The following NRXN3 variants were observed in gnomAD, a reference collection of about 807,000 sequenced individuals.
NRXN3 encodes the protein neurexin III.
A neutral mutation model predicts 137.6 loss-of-function variants in NRXN3; 32 were observed. The observed-to-expected ratio is 0.23, with a 90% CI of 0.18 to 0.31. NRXN3 has a LOEUF of 0.31. Ranked by LOEUF, NRXN3 falls within the 10% of genes least tolerant of loss-of-function variation. The pLI, the probability that NRXN3 is intolerant of heterozygous loss-of-function variation, is 1.00. For synonymous variants in NRXN3, 798 were observed against 784.5 expected (o/e 1.02, Z -0.29); for missense variants, 1,574 against 2,062.5 (o/e 0.76, Z 4.59).
intron 15 of NRXN3, among the ~76,000 whole-genome samples, chr14:79,450,870 A>G (rs2096158672): frequency 1.3e-5 from 2 of 152,026 alleles, no homozygotes; most frequent in African/African-American, 2.4e-5. Flanking sequence ...TGTCTCAAAA[A>G]AAAAAAAATT....
intron 15 of NRXN3, among the ~76,000 whole-genome samples, chr14:79,347,008 T>G (rs1008101843): frequency 6.6e-6 from 1 of 152,116 alleles, no homozygotes; most frequent in Non-Finnish European, 1.5e-5. Context: ...CATTCAGGCT[T>G]TGATTATTTG....
chr14:78,801,064 G>T (rs1287824915), intron 8 of NRXN3, among the ~76,000 whole-genome samples: 1 of 152,226 alleles, frequency 6.6e-6, no homozygotes, highest in Non-Finnish European at 1.5e-5. Context: ...GCTCACGCCT[G>T]TAATCCCAGC....
chr14:78,477,908 A>G (rs2095407512), intron 4 of NRXN3, among the ~76,000 whole-genome samples: 1 of 152,046 alleles, frequency 6.6e-6, no homozygotes, highest in Non-Finnish European at 1.5e-5. Context: ...ACACACACAC[A>G]CGCACACACA....
intron 15 of NRXN3, among the ~76,000 whole-genome samples, chr14:79,190,703 G>A (rs1057121883): frequency 1.3e-5 from 2 of 152,114 alleles, no homozygotes; most frequent in African/African-American, 4.8e-5. Flanking sequence ...TTATTCTTAA[G>A]ATCCCCTGGA....
intron 15 of NRXN3, among the ~76,000 whole-genome samples, chr14:79,206,453 A>T (rs537102124): frequency 6.6e-6 from 1 of 152,306 alleles, no homozygotes; most frequent in East Asian, 1.9e-4. Flanking sequence ...ACAAGGGTCC[A>T]TCATCTCTTC....
intron 3 of NRXN3, among the ~76,000 whole-genome samples, chr14:78,287,382 A>G (rs1418483427): frequency 6.6e-6 from 1 of 152,216 alleles, no homozygotes; most frequent in Non-Finnish European, 1.5e-5. Flanking sequence ...CTTGAAGGGC[A>G]GCAGTGTCTT....
intron 16 of NRXN3, among the ~76,000 whole-genome samples, chr14:79,574,660 T>C (rs955802102): frequency 2.0e-5 from 3 of 151,742 alleles, no homozygotes; most frequent in African/African-American, 4.8e-5. Context: ...CCAGGGTGAG[T>C]GGACTGGGGG....
chr14:78,518,998 C>T (rs1048863243), intron 4 of NRXN3, among the ~76,000 whole-genome samples: 3 of 152,152 alleles, frequency 2.0e-5, no homozygotes, highest in Non-Finnish European at 2.9e-5. Flanking sequence ...GGACAGTCAA[C>T]TGGCCTCTAG....
At chr14:79,470,456 G>A (rs2096485496) in intron 16 of NRXN3, among the ~76,000 whole-genome samples, 1 of 152,086 alleles carries the variant, frequency 6.6e-6, no homozygotes, top group African/African-American at 2.4e-5. Flanking sequence ...CAGAAGGGCA[G>A]AAAGAGTGAA....
At chr14:79,438,867 A>G (rs2095885046) in intron 15 of NRXN3, among the ~76,000 whole-genome samples, 1 of 152,222 alleles carries the variant, frequency 6.6e-6, no homozygotes, top group African/African-American at 2.4e-5. Context: ...AAGCCCGATG[A>G]CTTCACTTAT....
At chr14:79,491,521 T>C (rs1885931741) in intron 16 of NRXN3, among the ~76,000 whole-genome samples, 1 of 152,194 alleles carries the variant, frequency 6.6e-6, no homozygotes, top group Non-Finnish European at 1.5e-5. Context: ...ATCTTGAGAC[T>C]TTTATCTTAC....
At chr14:78,963,502 C>T (rs867373705) in intron 11 of NRXN3, among the ~76,000 whole-genome samples, 3 of 152,140 alleles carry the variant, frequency 2.0e-5, no homozygotes, top group Admixed American at 6.5e-5. Context: ...TAGCTATAGC[C>T]AATTTGACAG....
At chr14:78,879,163 G>T (rs529813635) in intron 10 of NRXN3, among the ~76,000 whole-genome samples, 1 of 152,300 alleles carries the variant, frequency 6.6e-6, no homozygotes, top group South Asian at 2.1e-4. Flanking sequence ...TAATGCTGCA[G>T]TGAATGTTGG....
intron 15 of NRXN3, among the ~76,000 whole-genome samples, chr14:79,211,937 T>C (rs182007205): frequency 6.6e-6 from 1 of 152,206 alleles, no homozygotes; most frequent in African/African-American, 2.4e-5. Flanking sequence ...ATTAAAACAC[T>C]TGAGGCTGGA....
intron 15 of NRXN3, among the ~76,000 whole-genome samples, chr14:79,025,172 G>T (rs1595060806): frequency 6.6e-6 from 1 of 152,080 alleles, no homozygotes; most frequent in African/African-American, 2.4e-5. Context: ...TCCTACCCTA[G>T]TTCTTTCTTT....
chr14:79,410,514 C>T (rs2095401770), intron 15 of NRXN3, among the ~76,000 whole-genome samples: 1 of 150,840 alleles, frequency 6.6e-6, no homozygotes, highest in South Asian at 2.1e-4. Context: ...TTTTCTTTTC[C>T]AGGAATGGCC....
chr14:78,255,086 G>A (rs1474860004), intron 2 of NRXN3, among the ~76,000 whole-genome samples: 6 of 148,194 alleles, frequency 4.0e-5, no homozygotes, highest in Admixed American at 2.1e-4. Flanking sequence ...AAGCAAATTC[G>A]CTCCTGCACC....
chr14:78,830,564 T>A (rs537639804), intron 10 of NRXN3, among the ~76,000 whole-genome samples: 7 of 152,284 alleles, frequency 4.6e-5, no homozygotes, highest in Admixed American at 1.3e-4. Context: ...ACTCTTTTTT[T>A]AAATTTTAAA....
In NRXN3 at chr14:78,518,655, C is replaced by T. The variant is rs138299350; in HGVS notation, c.758-126465C>T. On this transcript the variant is annotated intron_variant, in intron 4 of 20. Coordinates refer to ENST00000335750, the MANE Select transcript of NRXN3 (RefSeq NM_001330195.2). ...TTGACACATATGGGAGCAGGCTTTA[C>T]CAGAGGCAAGAATTCAATCAAAAGT... Among the ~76,000 whole-genome samples the T allele has an allele frequency of 3.6e-3, 546 of 152,182 alleles. 3 individuals are homozygous for T. The highest frequency in any genetic ancestry group is 6.8e-3 in the Non-Finnish European group (462 of 67,958).
Sources: allele counts gnomAD v4.1 joint callset (sites outside exome capture counted in the v4.1 genomes callset), GRCh38; gene constraint gnomAD v4.1.1; transcripts MANE v1.5; gene names NCBI Gene and HGNC (gene_info 2026-07-23, HGNC 2026-07-21).